Variants in PTPRR observed in about 807,000 individuals in gnomAD.
The protein encoded by PTPRR is receptor-type tyrosine-protein phosphatase R.
In PTPRR, 38 loss-of-function variants were observed where a neutral mutation model predicts 77.2. The observed-to-expected ratio is 0.49, with a 90% CI of 0.38 to 0.65. The LOEUF (loss-of-function observed/expected upper bound fraction) is 0.65. Among genes scored for constraint, PTPRR ranks in the 30% least tolerant of loss-of-function variants. The pLI, the probability that PTPRR is intolerant of heterozygous loss-of-function variation, is 0.00. For synonymous variants in PTPRR, 299 were observed against 283.1 expected (o/e 1.06, Z -0.57); for missense variants, 744 against 799.2 (o/e 0.93, Z 0.83).
intron 2 of PTPRR, among the ~76,000 whole-genome samples, chr12:70,879,444 T>C (rs934996740): frequency 1.3e-4 from 20 of 151,962 alleles, no homozygotes; most frequent in African/African-American, 2.2e-4. Context: ...CATTGATTTT[T>C]CCCACGATCT....
intron 1 of PTPRR, among the ~76,000 whole-genome samples, chr12:70,898,917 T>C (rs1259214315): frequency 6.6e-6 from 1 of 151,298 alleles, no homozygotes; most frequent in Non-Finnish European, 1.5e-5. Context: ...ACTTAGCAAG[T>C]GTAAAAATGT....
chr12:70,745,335 T>C (rs941829928), intron 6 of PTPRR, among the ~76,000 whole-genome samples: 1 of 152,242 alleles, frequency 6.6e-6, no homozygotes, highest in South Asian at 2.1e-4. Context: ...TCCAGTGTCA[T>C]GGATCTTGAT....
intron 2 of PTPRR, among the ~76,000 whole-genome samples, chr12:70,863,494 G>A (rs1286063202): frequency 6.6e-6 from 1 of 151,914 alleles, no homozygotes; most frequent in African/African-American, 2.4e-5. Context: ...TTAATGCTGG[G>A]GTTATTTTAT....
rs1342836061 is a variant in PTPRR at position 70,638,655 on chromosome 12, T to G, written c.*529A>C. The G allele has an allele frequency of 2.0e-5, 3 of 152,420 alleles. No individual in the cohort carries two copies. Among genetic ancestry groups the G allele is most frequent in the African/African-American group, 7.2e-5 (3 of 41,458 alleles). 9.4% of individuals were successfully genotyped at this position (152,420 alleles called of 1,614,324 possible). ...ATTTTTGTTTTTCAAAAACAAAGAC[T>G]TCTCTGTTAAAAATCCATTATCAAT... On this transcript the variant is annotated 3_prime_UTR_variant, in exon 14 of 14. Transcript: ENST00000283228.
intron 7 of PTPRR, among the ~76,000 whole-genome samples, chr12:70,698,998 C>T (rs1888330003): frequency 6.6e-6 from 1 of 152,036 alleles, no homozygotes; most frequent in African/African-American, 2.4e-5. Flanking sequence ...CATTATATGC[C>T]TCAAGTGATT....
intron 2 of PTPRR, among the ~76,000 whole-genome samples, chr12:70,817,799 T>C (rs1891931660): frequency 6.6e-6 from 1 of 151,072 alleles, no homozygotes; most frequent in Non-Finnish European, 1.5e-5. Context: ...CACATGCACA[T>C]ATAACTTAAG....
intron 10 of PTPRR, among the ~76,000 whole-genome samples, chr12:70,666,942 T>A (rs1460600229): frequency 3.7e-5 from 2 of 53,526 alleles, no homozygotes; most frequent in Non-Finnish European, 6.5e-5. Flanking sequence ...TCTGTTTTTT[T>A]TTTTTTTTTT....
chr12:70,896,827 T>C (rs1035367992), intron 1 of PTPRR, among the ~76,000 whole-genome samples: 8 of 151,982 alleles, frequency 5.3e-5, no homozygotes, highest in African/African-American at 1.9e-4. Flanking sequence ...GCTTTCTACA[T>C]ATGGCTAGCC....
intron 6 of PTPRR, among the ~76,000 whole-genome samples, chr12:70,732,999 C>T (rs1370948422): frequency 1.3e-5 from 2 of 151,938 alleles, no homozygotes; most frequent in Non-Finnish European, 2.9e-5. Context: ...GTGCTACAGA[C>T]ACCGCCTTGA....
chr12:70,709,341 C>A (rs1435835612), intron 6 of PTPRR, among the ~76,000 whole-genome samples: 2 of 152,124 alleles, frequency 1.3e-5, no homozygotes, highest in African/African-American at 4.8e-5. Flanking sequence ...CCATATATGA[C>A]AAACCCACAG....
intron 2 of PTPRR, among the ~76,000 whole-genome samples, chr12:70,811,556 A>G (rs983186811): frequency 1.3e-5 from 2 of 152,242 alleles, no homozygotes; most frequent in African/African-American, 2.4e-5. Context: ...CAGAAACCTT[A>G]GACCATCAAC....
chr12:70,685,557 T>C (rs915849596), intron 8 of PTPRR, among the ~76,000 whole-genome samples: 5 of 149,364 alleles, frequency 3.3e-5, no homozygotes, highest in African/African-American at 1.2e-4. Context: ...GGCTGAGGCA[T>C]GAGAATTGCT....
chr12:70,859,522 A>T (rs1892713627), intron 2 of PTPRR, among the ~76,000 whole-genome samples: 1 of 152,034 alleles, frequency 6.6e-6, no homozygotes, highest in Non-Finnish European at 1.5e-5. Context: ...GAGGGGGGTA[A>T]TTGATGGAGC....
chr12:70,863,773 C>A (rs1892793807), intron 2 of PTPRR, among the ~76,000 whole-genome samples: 2 of 152,008 alleles, frequency 1.3e-5, no homozygotes, highest in South Asian at 4.2e-4. Context: ...GGAACACTCA[C>A]ATCTTAGAAA....
chr12:70,683,806 G>A (rs907501289), intron 10 of PTPRR, among the ~76,000 whole-genome samples: 27 of 152,090 alleles, frequency 1.8e-4, no homozygotes, highest in African/African-American at 6.0e-4. Flanking sequence ...TCACATAGTA[G>A]GTGTTCAAAA....
chr12:70,890,198 C>T (rs2137114897), intron 2 of PTPRR, among the ~76,000 whole-genome samples: 1 of 152,262 alleles, frequency 6.6e-6, no homozygotes, highest in East Asian at 1.9e-4. Flanking sequence ...ATCTTCTCTA[C>T]ATTGTACTTG....
chr12:70,668,213 G>A (rs1887081670), intron 10 of PTPRR, among the ~76,000 whole-genome samples: 1 of 152,036 alleles, frequency 6.6e-6, no homozygotes, highest in African/African-American at 2.4e-5. Context: ...AGGAGGAAGA[G>A]AAGGAAGAGG....
intron 10 of PTPRR, chr12:70,671,868 C>T (rs1367046208): frequency 1.6e-6 from 1 of 640,964 alleles, no homozygotes; most frequent in African/African-American, 1.8e-5. Context: ...CCTCTGGCCC[C>T]ACAAGCACTA....
chr12:70,707,130 T>A (rs1383761278), intron 6 of PTPRR, among the ~76,000 whole-genome samples: 1 of 152,112 alleles, frequency 6.6e-6, no homozygotes. Context: ...GTCGTCTAAG[T>A]TGGGACTATT....
Sources: allele counts gnomAD v4.1 joint callset (sites outside exome capture counted in the v4.1 genomes callset), GRCh38; gene constraint gnomAD v4.1.1; transcripts MANE v1.5; gene names NCBI Gene and HGNC (gene_info 2026-07-23, HGNC 2026-07-21).